LRRK1: variants seen among roughly 807,000 people sequenced by gnomAD.
The protein encoded by LRRK1 is leucine rich repeat kinase 1.
In LRRK1, 113 loss-of-function variants were observed where a neutral mutation model predicts 209.1. The ratio of observed to expected loss-of-function variants is 0.54; its 90% CI spans 0.46 to 0.63. The LOEUF (loss-of-function observed/expected upper bound fraction) is 0.63. Among genes scored for constraint, LRRK1 ranks in the 30% least tolerant of loss-of-function variants. The pLI, the probability that LRRK1 is intolerant of heterozygous loss-of-function variation, is 0.00. For missense variants in LRRK1, 2,284 were observed against 2,632.2 expected, an observed-to-expected ratio of 0.87 and a Z score of 2.89; for synonymous variants, 1,144 against 1,099.7, an observed-to-expected ratio of 1.04 and a Z score of -0.80.
chr15:100,947,928 G>A (rs1043444047), intron 2 of LRRK1, among the ~76,000 whole-genome samples: 21 of 152,202 alleles, frequency 1.4e-4, no homozygotes, highest in African/African-American at 5.1e-4. Flanking sequence ...TGTCTGCACA[G>A]TGATGTATTC....
In LRRK1 at chr15:101,069,182, TCAAA is replaced by T. The variant is rs559849880; in HGVS notation, c.*339_*342del. 26 of 198,066 alleles carry T rather than the reference TCAAA, an allele frequency of 1.3e-4. No homozygotes were observed. The highest frequency in any genetic ancestry group is 2.4e-4 in the Non-Finnish European group (23 of 97,862). 12.3% of individuals were successfully genotyped at this position (198,066 alleles called of 1,614,324 possible). On this transcript the variant is annotated 3_prime_UTR_variant, in exon 34 of 34. Transcript: ENST00000388948. Reference sequence around the variant, plus strand: ...GTGCAGGATCCTGTTCTGAGCTGGGTCAAACAAAGCAGGGCCGGGCCTTCCTGCC... The same window carrying T: ...GTGCAGGATCCTGTTCTGAGCTGGGTCAAAGCAGGGCCGGGCCTTCCTGCC...
intron 2 of LRRK1, among the ~76,000 whole-genome samples, chr15:100,968,620 C>A (rs973835453): frequency 3.3e-5 from 5 of 152,032 alleles, no homozygotes; most frequent in African/African-American, 1.2e-4. Flanking sequence ...CTGTTTAAAT[C>A]TTTGCCCTCT....
chr15:101,042,267 C>G (rs940289883), intron 20 of LRRK1, among the ~76,000 whole-genome samples: 2 of 59,458 alleles, frequency 3.4e-5, no homozygotes, highest in African/African-American at 1.0e-4. Context: ...TATTAACACT[C>G]TAATTTTTTG....
chr15:100,925,779 A>G (rs986755699), intron 2 of LRRK1, among the ~76,000 whole-genome samples: 6 of 152,208 alleles, frequency 3.9e-5, no homozygotes, highest in Non-Finnish European at 7.3e-5. Flanking sequence ...TCCGTTTTAT[A>G]GCTGAGGAAC....
intron 4 of LRRK1, 102 bp downstream of exon 4, chr15:100,983,801 T>C (rs1364109679): frequency 8.3e-7 from 1 of 1,206,840 alleles, no homozygotes; most frequent in Non-Finnish European, 1.2e-6. Flanking sequence ...AATAATGAGA[T>C]CAAGAAATAC....
Position 101,027,799 on chromosome 15 carries a change from TG to T in LRRK1, c.2686+5del. On this transcript the variant is annotated splice_donor_region_variant and intron_variant, in intron 19 of 33. Transcript: ENST00000388948. This position sits in a 1 kb window ranked among gnomAD's most constrained non-coding sequence, Gnocchi z 5.1. ...AGGACTACGAGGACCTGCAGTCAGG[TG>T]GGTGGGGCTGGGGTAGGTGGCAGGG... 6.4e-7 allele frequency: 1 copy of T among 1,569,932 alleles called. No homozygotes were observed. The highest frequency in any genetic ancestry group is 8.6e-7 in the Non-Finnish European group (1 of 1,156,646).
Position 101,065,434 on chromosome 15 carries a change from G to T in LRRK1, c.4997G>T (p.Cys1666Phe). ...GTGCGGGGCACCCCAAAGGACAGCT[G>T]CTCCTACCTGTGCTCACACACAGCC... ...PVVRGTPKDS[C>F]SYLCSHTANR... is the part of the protein sequence containing the mutation. The change falls in exon 32 of 34, where the codon TGC becomes TTC. Residue 1666 changes from cysteine (C) to phenylalanine (F), a missense_variant. Coordinates refer to ENST00000388948, the MANE Select transcript of LRRK1 (RefSeq NM_024652.6). 6.2e-7 allele frequency: 1 copy of T among 1,614,172 alleles called. No individual in the cohort carries two copies. The highest frequency in any genetic ancestry group is 2.2e-5 in the East Asian group (1 of 44,894).
Position 101,029,181 on chromosome 15 carries a change from A to G in LRRK1, c.2912A>G (p.Tyr971Cys), listed in dbSNP as rs947265550. ...TGFTQQTEEQ[Y>C]FQFLAKFEIA... ...TTCACGCAGCAGACGGAAGAGCAGT[A>G]CTTCCAGTTCCTGGCCAAGTTTGAG... The change falls in exon 20 of 34, where the codon TAC (tyrosine) becomes TGC (cysteine). Residue 971 changes from tyrosine to cysteine, a missense_variant. Physicochemically the swap from Tyr to Cys is radical, Grantham distance 194. Coordinates refer to ENST00000388948, the MANE Select transcript of LRRK1 (RefSeq NM_024652.6). 4 of 1,613,976 alleles carry G rather than the reference A, an allele frequency of 2.5e-6. No individual in the cohort carries two copies. In the Admixed American group the frequency reaches 6.7e-5, roughly 27 times the overall value.
At chr15:100,993,220 G>A (rs989355366) in intron 6 of LRRK1, among the ~76,000 whole-genome samples, 10 of 152,176 alleles carry the variant, frequency 6.6e-5, no homozygotes, top group Non-Finnish European at 1.5e-5. Flanking sequence ...TTCTTGAGTT[G>A]AATATTTATT....
chr15:100,935,788 G>C (rs542597215), intron 2 of LRRK1, among the ~76,000 whole-genome samples: 3 of 152,306 alleles, frequency 2.0e-5, no homozygotes, highest in East Asian at 1.9e-4. Context: ...CTGTGGGTCA[G>C]GAATCTAGGC....
At position 100,972,363 on chromosome 15, in the gene LRRK1, AGTGTGTGTGTGTGTGTGT is replaced by A. The variant is rs139709615; in HGVS notation, c.98-1418_98-1401del. On this transcript the variant is annotated intron_variant, in intron 2 of 33. Transcript: ENST00000388948. ...GAGAGAGAGAGAGAGAGAGAGAGAG[AGTGTGTGTGTGTGTGTGT>A]GTGTGTGTGTGTGTGTGTGTGTTTT... 2.1e-3 allele frequency among the ~76,000 whole-genome samples: 208 copies of A among 98,488 alleles called. 1 individual carries two copies. The highest frequency in any genetic ancestry group is 0.01 in the African/African-American group (204 of 20,224). 64.6% of individuals were successfully genotyped at this position (98,488 alleles called of 152,430 possible).
At chr15:100,957,883 T>G (rs986153271) in intron 2 of LRRK1, among the ~76,000 whole-genome samples, 1 of 152,274 alleles carries the variant, frequency 6.6e-6, no homozygotes, top group Non-Finnish European at 1.5e-5. Flanking sequence ...TTGTTGTTGC[T>G]GAGACGGAGT....
Position 101,011,337 on chromosome 15 carries a change from G to A in LRRK1, c.1281+500G>A, listed in dbSNP as rs573969927. On this transcript the variant is annotated intron_variant, in intron 9 of 33. Transcript: ENST00000388948. ...AAAAAAAAAAAAAAATAAGCTGGGC[G>A]TGGTGGCACGTGGCTGTAGTCCCAG... 1.1e-3 allele frequency among the ~76,000 whole-genome samples: 167 copies of A among 151,872 alleles called. 1 individual carries two copies. Among genetic ancestry groups the A allele is most frequent in the African/African-American group, 3.7e-3 (152 of 41,428 alleles).
At chr15:100,990,341 TTTTTTTTTCCTG>T (rs1440713392) in intron 6 of LRRK1, among the ~76,000 whole-genome samples, 1 of 151,218 alleles carries the variant, frequency 6.6e-6, no homozygotes, top group Non-Finnish European at 1.5e-5. Flanking sequence ...AAATAGTTCT[TTTTTTTTTCCTG>T]TTGCAATATA....
intron 22 of LRRK1, 131 bp downstream of exon 22, chr15:101,048,788 C>T: frequency 1.4e-6 from 1 of 696,566 alleles, no homozygotes; most frequent in Non-Finnish European, 2.2e-6. Context: ...GTCATGGCAG[C>T]TTGCTAGAAA....
chr15:100,934,802 C>CAAAAAAA (rs56258040), intron 2 of LRRK1, among the ~76,000 whole-genome samples: 31 of 53,394 alleles, frequency 5.8e-4, no homozygotes, highest in Non-Finnish European at 8.5e-4. Flanking sequence ...GAAACTGTCT[C>CAAAAAAA]AAAAAAAAAA....
Position 101,021,085 on chromosome 15 carries a change from G to T in LRRK1, c.1642G>T (p.Glu548Ter). ...SVLEFPAFLS[E>*]SLEVLCLNDN... is the part of the protein sequence containing the mutation. ...GCTGGAATTTCCGGCCTTCCTAAGT[G>T]AGTCTTTGGAAGTCCTTTGCCTGAA... Residue 548 changes from glutamate to a stop codon, truncating the protein, a stop_gained, in exon 13 of 34, where the codon GAG becomes TAG. Coordinates refer to ENST00000388948, the MANE Select transcript of LRRK1 (RefSeq NM_024652.6). LOFTEE classifies it high-confidence loss of function. 2 of 1,614,128 alleles carry T rather than the reference G, an allele frequency of 1.2e-6. No individual in the cohort carries two copies. The highest frequency in any genetic ancestry group is 2.2e-5 in the South Asian group (2 of 91,078).
At chr15:101,026,424 C>T (rs918134049) in intron 17 of LRRK1, among the ~76,000 whole-genome samples, 12 of 152,234 alleles carry the variant, frequency 7.9e-5, no homozygotes, top group African/African-American at 2.9e-4. Context: ...GGAGACTGAA[C>T]GTGGGCACCA....
chr15:100,948,167 T>A (rs1465423334), intron 2 of LRRK1, among the ~76,000 whole-genome samples: 1 of 152,216 alleles, frequency 6.6e-6, no homozygotes, highest in African/African-American at 2.4e-5. Context: ...CCAGCTTGTC[T>A]TGTTATGCAT....
Sources: allele counts gnomAD v4.1 joint callset (sites outside exome capture counted in the v4.1 genomes callset), GRCh38; gene constraint gnomAD v4.1.1; non-coding constraint Gnocchi (gnomAD v3.1); transcripts MANE v1.5; gene names NCBI Gene and HGNC (gene_info 2026-07-23, HGNC 2026-07-21).